Variants in AKAP19 observed in about 807,000 individuals in gnomAD.
AKAP19 encodes the protein A-kinase anchoring protein 19, also known as small A-kinase anchoring protein.
the AKAP19 span, among the ~76,000 whole-genome samples, chr2:190,143,903 C>T: frequency 6.7e-6 from 1 of 148,456 alleles, no homozygotes; most frequent in Non-Finnish European, 1.5e-5. Flanking sequence ...TCATCATTCT[C>T]AGTAAACTAT....
chr2:189,975,503 A>T, the AKAP19 span, among the ~76,000 whole-genome samples: 2 of 152,100 alleles, frequency 1.3e-5, no homozygotes, highest in Admixed American at 1.3e-4. Context: ...CGTTCTCTGT[A>T]TTTCCTGAAT....
chr2:189,967,631 A>T, the AKAP19 span, among the ~76,000 whole-genome samples: 1 of 152,112 alleles, frequency 6.6e-6, no homozygotes, highest in Admixed American at 6.6e-5. Flanking sequence ...AAGCAAAATG[A>T]TCCTATATAA....
At chr2:189,989,891 T>G in the AKAP19 span, among the ~76,000 whole-genome samples, 1 of 152,058 alleles carries the variant, frequency 6.6e-6, no homozygotes, top group Non-Finnish European at 1.5e-5. Context: ...ACATTCTGAG[T>G]TCACGGATTG....
chr2:190,089,056 C>T, the AKAP19 span, among the ~76,000 whole-genome samples: 5 of 152,252 alleles, frequency 3.3e-5, no homozygotes, highest in East Asian at 1.9e-4. Flanking sequence ...ATAGCCACAT[C>T]GAGCTTTGAG....
At chr2:190,001,098 G>C in the AKAP19 span, among the ~76,000 whole-genome samples, 2 of 151,954 alleles carry the variant, frequency 1.3e-5, no homozygotes, top group Non-Finnish European at 2.9e-5. Flanking sequence ...GAATATGTTG[G>C]TGAGCTCCTA....
At chr2:189,950,977 T>C in the AKAP19 span, among the ~76,000 whole-genome samples, 1 of 151,842 alleles carries the variant, frequency 6.6e-6, no homozygotes, top group Non-Finnish European at 1.5e-5. Context: ...GCCTGGAGGG[T>C]TGGGGTGGGG....
chr2:189,956,512 T>C, the AKAP19 span, among the ~76,000 whole-genome samples: 8 of 152,078 alleles, frequency 5.3e-5, no homozygotes, highest in African/African-American at 1.9e-4. Context: ...AAATCTTATA[T>C]ACAAACATGA....
chr2:190,005,037 A>C, the AKAP19 span, among the ~76,000 whole-genome samples: 1 of 152,114 alleles, frequency 6.6e-6, no homozygotes, highest in Admixed American at 6.5e-5. Flanking sequence ...GTGTTCCTTC[A>C]TATGTCCAGA....
chr2:190,163,251 G>A, the AKAP19 span, among the ~76,000 whole-genome samples: 1 of 151,782 alleles, frequency 6.6e-6, no homozygotes, highest in East Asian at 1.9e-4. Context: ...TGGCTAACAC[G>A]GTGAAACCCC....
At chr2:189,918,016 C>T in the AKAP19 span, among the ~76,000 whole-genome samples, 1 of 151,940 alleles carries the variant, frequency 6.6e-6, no homozygotes, top group South Asian at 2.1e-4. Context: ...ATATACATAA[C>T]TTATCATTGT....
the AKAP19 span, among the ~76,000 whole-genome samples, chr2:190,106,465 C>A: frequency 6.6e-6 from 1 of 152,084 alleles, no homozygotes; most frequent in Non-Finnish European, 1.5e-5. Context: ...TCTGCTTGTC[C>A]ACTGTTCGTT....
the AKAP19 span, among the ~76,000 whole-genome samples, chr2:190,115,565 C>T: frequency 2.7e-5 from 4 of 150,560 alleles, no homozygotes; most frequent in Admixed American, 6.6e-5. Context: ...GTGATCCGCC[C>T]GCCTCGGCCT....
chr2:189,969,747 AAAG>A, the AKAP19 span, among the ~76,000 whole-genome samples: 12 of 151,426 alleles, frequency 7.9e-5, 1 homozygote, highest in East Asian at 1.8e-3. Context: ...AAAAAAAAAA[AAAG>A]ATAAAATTTC....
the AKAP19 span, among the ~76,000 whole-genome samples, chr2:190,189,264 G>A: frequency 6.7e-3 from 1,021 of 152,310 alleles, 12 homozygotes; most frequent in African/African-American, 0.022. Flanking sequence ...TCAAGAAAGG[G>A]AGAAAGTTAA....
chr2:190,013,878 C>A, the AKAP19 span, among the ~76,000 whole-genome samples: 1,670 of 152,164 alleles, frequency 0.011, 12 homozygotes, highest in Middle Eastern at 0.027. Flanking sequence ...GTAAAAAAAA[C>A]CAACTCTTGG....
the AKAP19 span, among the ~76,000 whole-genome samples, chr2:190,073,088 A>T: frequency 6.6e-6 from 1 of 152,204 alleles, no homozygotes; most frequent in Non-Finnish European, 1.5e-5. Context: ...AGCTTAATTT[A>T]TCAATATAAA....
At chr2:190,079,874 T>C in the AKAP19 span, 1 of 134,724 alleles carries the variant, frequency 7.4e-6, no homozygotes, top group Non-Finnish European at 1.6e-5. Context: ...TGTGTGTGTG[T>C]GTGTGTGTGT....
chr2:190,021,368 G>T, the AKAP19 span, among the ~76,000 whole-genome samples: 2 of 151,892 alleles, frequency 1.3e-5, no homozygotes, highest in Non-Finnish European at 2.9e-5. Context: ...TAGTTTCTTG[G>T]GATTGTTTTG....
the AKAP19 span, among the ~76,000 whole-genome samples, chr2:190,120,856 A>G: frequency 6.6e-6 from 1 of 152,200 alleles, no homozygotes; most frequent in Non-Finnish European, 1.5e-5. Context: ...TGCTTGGATG[A>G]TAAAGGAATT....
Sources: gnomAD v4.1 joint callset for allele counts (sites outside exome capture counted in the v4.1 genomes callset) on GRCh38, gnomAD v4.1.1 for gene constraint, MANE v1.5 for transcripts, NCBI Gene and HGNC (gene_info 2026-07-23, HGNC 2026-07-21) for gene names.